The following ARID1B variants were observed in gnomAD, a reference collection of about 807,000 sequenced individuals.
ARID1B encodes AT-rich interaction domain 1B.
A neutral mutation model predicts 212.3 loss-of-function variants in ARID1B; 30 were observed. That is an observed-to-expected ratio of 0.14 (90% CI 0.11 to 0.19). The LOEUF is 0.19. Among genes scored for constraint, ARID1B ranks in the 10% least tolerant of loss-of-function variants. The pLI, the probability that ARID1B is intolerant of heterozygous loss-of-function variation, is 1.00. For synonymous variants in ARID1B, 1,402 were observed against 1,301.7 expected, an observed-to-expected ratio of 1.08 and a Z score of -1.66; for missense variants, 2,891 against 3,204.0, an observed-to-expected ratio of 0.90 and a Z score of 2.36.
chr6:156,945,252 T>G (rs1562501808), intron 4 of ARID1B, among the ~76,000 whole-genome samples: 2 of 124,626 alleles, frequency 1.6e-5, no homozygotes, highest in Admixed American at 8.0e-5. Context: ...TTTTTTTTTT[T>G]TTTTTTTTTT....
intron 9 of ARID1B, chr6:157,172,792 C>G (rs946374269): frequency 2.6e-5 from 4 of 151,818 alleles, no homozygotes; most frequent in Admixed American, 6.6e-5. Flanking sequence ...TCTGCGGAGC[C>G]TTTTTTAAAG....
chr6:156,946,674 G>A (rs1793177608), intron 4 of ARID1B, among the ~76,000 whole-genome samples: 1 of 147,030 alleles, frequency 6.8e-6, no homozygotes, highest in South Asian at 2.4e-4. Context: ...TGGGAGTGCA[G>A]AGGAAGAAAA....
intron 6 of ARID1B, among the ~76,000 whole-genome samples, chr6:157,131,772 C>A (rs1788565897): frequency 6.6e-6 from 1 of 152,172 alleles, no homozygotes; most frequent in African/African-American, 2.4e-5. Flanking sequence ...CTCACTGCAA[C>A]CTCTGCCTTC....
intron 2 of ARID1B, among the ~76,000 whole-genome samples, chr6:156,858,493 C>T (rs1056484876): frequency 7.9e-5 from 12 of 152,130 alleles, no homozygotes; most frequent in African/African-American, 1.4e-4. Context: ...AGGCTGGGCT[C>T]GGCAGCTCAC....
chr6:157,026,073 C>T (rs553663887), intron 4 of ARID1B, among the ~76,000 whole-genome samples: 17 of 152,160 alleles, frequency 1.1e-4, no homozygotes, highest in African/African-American at 3.9e-4. Flanking sequence ...TACAGGCACC[C>T]GCCACCATGC....
chr6:157,068,013 A>G (rs1016230227), intron 4 of ARID1B, among the ~76,000 whole-genome samples: 47 of 152,188 alleles, frequency 3.1e-4, no homozygotes, highest in African/African-American at 1.1e-3. Context: ...ATCACTTCAT[A>G]TGGCACCAGG....
chr6:157,159,010 A>G (rs1175230855), intron 8 of ARID1B, among the ~76,000 whole-genome samples: 3 of 152,178 alleles, frequency 2.0e-5, no homozygotes, highest in Non-Finnish European at 4.4e-5. Flanking sequence ...GGGATGCGAC[A>G]TGATACCAAA....
chr6:157,176,309 C>G (rs767085120), intron 11 of ARID1B, among the ~76,000 whole-genome samples: 2 of 152,188 alleles, frequency 1.3e-5, no homozygotes, highest in African/African-American at 2.4e-5. Flanking sequence ...GGGCGCAACT[C>G]CTGCATTTTG....
At chr6:157,020,497 T>A (rs1780163190) in intron 4 of ARID1B, among the ~76,000 whole-genome samples, 1 of 152,226 alleles carries the variant, frequency 6.6e-6, no homozygotes, top group Admixed American at 6.5e-5. Flanking sequence ...TTAACTTTTT[T>A]ATAAGGGGTT....
intron 4 of ARID1B, among the ~76,000 whole-genome samples, chr6:157,003,798 C>A (rs1330569533): frequency 6.6e-6 from 1 of 152,260 alleles, no homozygotes; most frequent in East Asian, 1.9e-4. Flanking sequence ...AAACAGTCCT[C>A]CTGCCTCAGC....
intron 4 of ARID1B, among the ~76,000 whole-genome samples, chr6:156,998,079 CT>C (rs970374520): frequency 6.6e-6 from 1 of 152,144 alleles, no homozygotes; most frequent in Non-Finnish European, 1.5e-5. Flanking sequence ...GCTGTGCGGG[CT>C]TGCAGTCCTT....
intron 2 of ARID1B, among the ~76,000 whole-genome samples, chr6:156,830,429 T>A (rs1198280962): frequency 6.6e-6 from 1 of 152,168 alleles, no homozygotes; most frequent in Non-Finnish European, 1.5e-5. Context: ...TAGATATGAC[T>A]ACTGTTCTCT....
chr6:156,961,344 G>T (rs767745214), intron 4 of ARID1B, among the ~76,000 whole-genome samples: 13 of 152,224 alleles, frequency 8.5e-5, no homozygotes, highest in Non-Finnish European at 8.8e-5. Context: ...ACACAACTTT[G>T]AGGTGTGTAA....
At chr6:156,806,500 T>C (rs1045380593) in intron 1 of ARID1B, among the ~76,000 whole-genome samples, 3 of 152,254 alleles carry the variant, frequency 2.0e-5, no homozygotes, top group Admixed American at 2.0e-4. Context: ...ATGGGGATTG[T>C]TTGGTTTTGC....
intron 1 of ARID1B, among the ~76,000 whole-genome samples, chr6:156,794,035 C>T (rs1353312608): frequency 6.6e-6 from 1 of 152,076 alleles, no homozygotes; most frequent in African/African-American, 2.4e-5. Flanking sequence ...ACATTCTTTC[C>T]ACTAAACTAG....
chr6:156,791,747 G>A (rs796820934), intron 1 of ARID1B, among the ~76,000 whole-genome samples: 51 of 152,258 alleles, frequency 3.3e-4, no homozygotes, highest in African/African-American at 8.9e-4. Context: ...AATACCCACC[G>A]TCTGTTCACA....
chr6:156,827,570 G>A (rs1022895888), intron 1 of ARID1B, among the ~76,000 whole-genome samples: 4 of 152,136 alleles, frequency 2.6e-5, no homozygotes, highest in Non-Finnish European at 4.4e-5. Flanking sequence ...TCTGGCTTCT[G>A]CCTGCTTCAG....
At chr6:156,964,639 C>T (rs1794619432) in intron 4 of ARID1B, among the ~76,000 whole-genome samples, 1 of 152,014 alleles carries the variant, frequency 6.6e-6, no homozygotes, top group East Asian at 1.9e-4. Context: ...ATTGATTTTA[C>T]AAAAAAGAAT....
chr6:156,805,861 G>T (rs1448272646), intron 1 of ARID1B, among the ~76,000 whole-genome samples: 1 of 151,982 alleles, frequency 6.6e-6, no homozygotes, highest in Non-Finnish European at 1.5e-5. Context: ...TTTTTTTGTG[G>T]AGATGGAGTC....
Sources: allele counts gnomAD v4.1 joint callset (sites outside exome capture counted in the v4.1 genomes callset), GRCh38; gene constraint gnomAD v4.1.1; transcripts MANE v1.5; gene names NCBI Gene and HGNC (gene_info 2026-07-23, HGNC 2026-07-21).